EVL: variants seen among roughly 807,000 people sequenced by gnomAD.
EVL encodes the protein Enah/Vasp-like.
EVL carries 21 observed loss-of-function variants against 59.6 expected under a neutral mutation model. The ratio of observed to expected loss-of-function variants is 0.35; its 90% CI spans 0.25 to 0.51. EVL has a LOEUF of 0.51. EVL is among the 20% of genes least tolerant of loss of function. The probability of loss-of-function intolerance (pLI) is 0.97; values close to 1 mark genes in which losing one functional copy is unlikely to be tolerated. For missense variants in EVL, 462 were observed against 546.6 expected (o/e 0.85, Z 1.54); for synonymous variants, 198 against 203.5 (o/e 0.97, Z 0.23).
At chr14:99,993,149 C>T (rs2060886798) in intron 1 of EVL, among the ~76,000 whole-genome samples, 2 of 150,900 alleles carry the variant, frequency 1.3e-5, no homozygotes, top group South Asian at 2.1e-4. Context: ...CCTCTGCCTG[C>T]CAGGTTCAAG....
At chr14:100,045,278 C>A (rs114485942) in intron 1 of EVL, among the ~76,000 whole-genome samples, 1 of 152,214 alleles carries the variant, frequency 6.6e-6, no homozygotes, top group Non-Finnish European at 1.5e-5. Context: ...TCTTCCTGGT[C>A]ATCTTTTTAA....
chr14:100,053,782 G>A (rs1356580208), intron 1 of EVL, among the ~76,000 whole-genome samples: 1 of 152,104 alleles, frequency 6.6e-6, no homozygotes, highest in African/African-American at 2.4e-5. Context: ...CTGAGTAGCT[G>A]GGACTATAGG....
intron 1 of EVL, among the ~76,000 whole-genome samples, chr14:100,056,991 G>A (rs1326734765): frequency 6.6e-6 from 1 of 152,194 alleles, no homozygotes; most frequent in Non-Finnish European, 1.5e-5. Flanking sequence ...TACAGAAGTA[G>A]CACAGCAGCA....
At chr14:100,134,063 T>C (rs1888618152) in intron 8 of EVL, among the ~76,000 whole-genome samples, 1 of 152,224 alleles carries the variant, frequency 6.6e-6, no homozygotes, top group Non-Finnish European at 1.5e-5. Context: ...CGACTGCTTG[T>C]GGAGACTCGT....
chr14:99,986,380 C>G (rs1182719397), intron 1 of EVL, among the ~76,000 whole-genome samples: 3 of 152,066 alleles, frequency 2.0e-5, no homozygotes, highest in African/African-American at 4.8e-5. Flanking sequence ...CTTCAGGGTC[C>G]CGTTTATGAG....
chr14:100,142,086 C>G (rs908292005), intron 13 of EVL: 3 of 274,112 alleles, frequency 1.1e-5, no homozygotes, highest in African/African-American at 2.2e-5. Context: ...GAGGGGAGAC[C>G]CCAGCATCGT....
chr14:100,001,902 T>C (rs2140185438), intron 1 of EVL, among the ~76,000 whole-genome samples: 1 of 152,324 alleles, frequency 6.6e-6, no homozygotes. Flanking sequence ...CTGTTACAAA[T>C]GAAAACAAAC....
intron 1 of EVL, among the ~76,000 whole-genome samples, chr14:100,005,824 C>A (rs1442915187): frequency 6.6e-6 from 1 of 152,012 alleles, no homozygotes; most frequent in East Asian, 1.9e-4. Flanking sequence ...ATTTAGGAAC[C>A]AAACCCAGGC....
chr14:100,112,829 C>T (rs1887088570), intron 3 of EVL, among the ~76,000 whole-genome samples: 1 of 152,210 alleles, frequency 6.6e-6, no homozygotes, highest in Admixed American at 6.5e-5. Context: ...CCTGTCTCTC[C>T]TCTCTAGATT....
chr14:100,120,799 C>A (rs527314898), intron 3 of EVL, among the ~76,000 whole-genome samples: 1 of 152,296 alleles, frequency 6.6e-6, no homozygotes, highest in East Asian at 1.9e-4. Context: ...TCTGTGTTTC[C>A]CAGACATCAC....
intron 1 of EVL, among the ~76,000 whole-genome samples, chr14:100,082,478 ACT>A (rs1443665736): frequency 6.6e-6 from 1 of 152,056 alleles, no homozygotes; most frequent in African/African-American, 2.4e-5. Flanking sequence ...ACCCTGTGTG[ACT>A]CTGGAGAGAA....
rs1379774654 is a variant in EVL, at chr14:100,047,114, C to CTTTTTTTTTTTTTTTT, written c.6-37572_6-37571insTTTTTTTTTTTTTTTT. On this transcript the variant is annotated intron_variant, in intron 1 of 13. Transcript: ENST00000402714. ...ATTTTGAGACCTTGGGCAGATCTCT[C>CTTTTTTTTTTTTTTTT]TCTCTTTTTTTTTTTTTTTTTTTTT... Among the ~76,000 whole-genome samples, 912 of 95,076 alleles carry CTTTTTTTTTTTTTTTT rather than the reference C, an allele frequency of 9.6e-3. 243 individuals carry two copies. Among genetic ancestry groups the CTTTTTTTTTTTTTTTT allele is most frequent in the South Asian group, 0.023 (49 of 2,144 alleles). The allele number at this position is 95,076 out of a possible 152,430, so 62.4% of individuals were successfully genotyped here.
Position 100,108,923 on chromosome 14 carries a change from C to T in EVL, c.358+11265C>T, listed in dbSNP as rs1463385957. ...CTCTTTGTCTCTGGACCCCAAAAAC[C>T]CACACATCGTCTGCCTTATAAGCTC... is the stretch of plus-strand genomic sequence containing the variant. On this transcript the variant is annotated intron_variant, in intron 3 of 13. Transcript: ENST00000392920. This position sits in a 1 kb window ranked among gnomAD's most constrained non-coding sequence, Gnocchi z 4.1. Among the ~76,000 whole-genome samples the T allele has an allele frequency of 2.0e-5, 3 of 152,204 alleles. No individual in the cohort carries two copies. The highest frequency in any genetic ancestry group is 2.0e-4 in the Admixed American group (3 of 15,284).
At chr14:100,056,796 C>G (rs2061741008) in intron 1 of EVL, among the ~76,000 whole-genome samples, 1 of 152,040 alleles carries the variant, frequency 6.6e-6, no homozygotes, top group South Asian at 2.1e-4. Context: ...TTTCATATCA[C>G]TAGTAATTTG....
At chr14:100,061,970 C>G (rs1006394432), upstream of EVL, among the ~76,000 whole-genome samples, 6 of 151,710 alleles carry the variant, frequency 4.0e-5, no homozygotes, top group Admixed American at 6.6e-5. Flanking sequence ...AAAGAAATTC[C>G]ATGTGCAAGT....
intron 4 of EVL, 85 bp from the exon 5 acceptor site, chr14:100,126,622 G>A (rs726514): frequency 0.5 from 723,077 of 1,454,602 alleles, 184,404 homozygotes; most frequent in Admixed American, 0.57. Flanking sequence ...CTCTGAAGCC[G>A]GGGCCGGCGG....
In EVL at chr14:100,130,386, T is replaced by C. The variant is rs962340151; in HGVS notation, c.839+702T>C. On this transcript the variant is annotated intron_variant, in intron 7 of 13. Coordinates refer to ENST00000392920, the MANE Select transcript of EVL (RefSeq NM_016337.3). The surrounding 1 kb of genome is among the most constrained non-coding windows in gnomAD (Gnocchi z 4.8). ...TTTTATTTTTAAATATGACTTGGCA[T>C]CAGGAATGTGCTCACCTTGGACTAC... 6.6e-6 allele frequency among the ~76,000 whole-genome samples: 1 copy of C among 152,200 alleles called. No individual in the cohort carries two copies. Among genetic ancestry groups the C allele is most frequent in the Non-Finnish European group, 1.5e-5 (1 of 68,030 alleles).
intron 1 of EVL, among the ~76,000 whole-genome samples, chr14:100,079,332 A>C (rs1464760324): frequency 1.3e-5 from 2 of 152,214 alleles, no homozygotes; most frequent in Admixed American, 6.5e-5. Flanking sequence ...CGGGCACACA[A>C]TCATAAATGC....
At chr14:100,084,390 G>A (rs1279757141) in intron 1 of EVL, among the ~76,000 whole-genome samples, 1 of 152,098 alleles carries the variant, frequency 6.6e-6, no homozygotes, top group Non-Finnish European at 1.5e-5. Flanking sequence ...TGAACAGTTG[G>A]CAAATTATAA....
Sources: gnomAD v4.1 joint callset for allele counts (sites outside exome capture counted in the v4.1 genomes callset) on GRCh38, gnomAD v4.1.1 for gene constraint, Gnocchi (gnomAD v3.1) non-coding constraint, MANE v1.5 for transcripts, NCBI Gene and HGNC (gene_info 2026-07-23, HGNC 2026-07-21) for gene names.